Variants in ZC4H2 observed in about 807,000 individuals in gnomAD.
ZC4H2 encodes the protein zinc finger C4H2-type containing, also known as zinc finger C4H2 domain-containing protein.
For synonymous variants in ZC4H2, 84 were observed against 66.3 expected, an observed-to-expected ratio of 1.27 and a Z score of -1.30; for missense variants, 137 against 173.9, an observed-to-expected ratio of 0.79 and a Z score of 1.19.
intron 1 of ZC4H2, among the ~76,000 whole-genome samples, chrX:64,934,745 A>G (rs1456033716): frequency 9.0e-6 from 1 of 111,498 alleles, no homozygotes; most frequent in African/African-American, 3.3e-5. Flanking sequence ...GGGGTCGGGG[A>G]ACTCCATCTC....
Position 64,916,884 on chromosome X carries a change from C to A in ZC4H2, c.*899G>T, listed in dbSNP as rs904617291. The A allele has an allele frequency of 8.9e-6, 1 of 112,166 alleles. No homozygotes were observed. Among genetic ancestry groups the A allele is most frequent in the African/African-American group, 3.3e-5 (1 of 30,767 alleles). The allele number at this position is 112,166 out of a possible 1,213,427, so 9.2% of individuals were successfully genotyped here. A position where few individuals can be genotyped will look rare whatever the true frequency, so the allele number is the denominator to read the frequency against. On this transcript the variant is annotated 3_prime_UTR_variant, in exon 5 of 5. Transcript: ENST00000374839. ...GATTGGCATTTACTCAAATCTAAATCTACTCCTCTCCTCCCTGCAATATAC... is the reference window on the plus strand; with the variant it reads ...GATTGGCATTTACTCAAATCTAAATATACTCCTCTCCTCCCTGCAATATAC...
intron 1 of ZC4H2, among the ~76,000 whole-genome samples, chrX:65,012,212 A>AGTG (rs1932760578): frequency 1.1e-5 from 1 of 90,071 alleles, no homozygotes; most frequent in Non-Finnish European, 2.1e-5. Flanking sequence ...TGGGTGACAG[A>AGTG]AGACCCCGTC....
chrX:64,998,306 A>C (rs1178053232), intron 1 of ZC4H2, among the ~76,000 whole-genome samples: 2 of 112,220 alleles, frequency 1.8e-5, no homozygotes, highest in Non-Finnish European at 3.8e-5. Context: ...CCATACTGAA[A>C]ATGAAAAGAT....
chrX:65,010,865 A>G (rs1420123359), intron 1 of ZC4H2, among the ~76,000 whole-genome samples: 1 of 112,319 alleles, frequency 8.9e-6, no homozygotes, highest in African/African-American at 3.2e-5. Context: ...ATATAAATAC[A>G]GAATTTATTT....
chrX:64,993,786 A>G (rs1422796557), intron 1 of ZC4H2, among the ~76,000 whole-genome samples: 2 of 112,126 alleles, frequency 1.8e-5, no homozygotes, highest in Admixed American at 1.9e-4. Flanking sequence ...TCTTTATTTC[A>G]GAATAATAAG....
At chrX:65,020,933 G>A (rs1257797899) in intron 1 of ZC4H2, among the ~76,000 whole-genome samples, 1 of 111,129 alleles carries the variant, frequency 9.0e-6, no homozygotes, top group Non-Finnish European at 1.9e-5. Context: ...AGAAAAGAAA[G>A]GCATTACATA....
intron 1 of ZC4H2, among the ~76,000 whole-genome samples, chrX:64,975,250 T>C (rs1420436887): frequency 9.1e-6 from 1 of 110,489 alleles, no homozygotes; most frequent in Non-Finnish European, 1.9e-5. Context: ...CAATAAATGA[T>C]AGTTCCCTTC....
chrX:64,928,827 TTCCTCCTCCTCCTTC>T (rs1228544810), intron 1 of ZC4H2, among the ~76,000 whole-genome samples: 199 of 101,474 alleles, frequency 2.0e-3, no homozygotes, highest in African/African-American at 6.5e-3. Flanking sequence ...TCTTCTTCTC[TTCCTCCTCCTCCTTC>T]TCCTCCTCCT....
intron 1 of ZC4H2, among the ~76,000 whole-genome samples, chrX:65,005,169 T>C (rs1932630524): frequency 8.9e-6 from 1 of 112,038 alleles, no homozygotes; most frequent in African/African-American, 3.3e-5. Context: ...AAGTTATTTA[T>C]AGATTCAATG....
intron 1 of ZC4H2, among the ~76,000 whole-genome samples, chrX:64,999,656 C>T (rs1932495623): frequency 8.9e-6 from 1 of 112,363 alleles, no homozygotes; most frequent in African/African-American, 3.2e-5. Context: ...CAGCAGATCC[C>T]ACTCCCATGG....
At position 64,948,505 on chromosome X, in the gene ZC4H2, A is replaced by G. The variant is rs891495072; in HGVS notation, c.54-26517T>C. Among the ~76,000 whole-genome samples the G allele has an allele frequency of 3.6e-5, 4 of 111,883 alleles. No homozygotes were observed. The Admixed American group carries it at 3.8e-4, about 11-fold the overall frequency. On this transcript the variant is annotated intron_variant, in intron 1 of 4. Transcript: ENST00000374839. Reference sequence around the variant, plus strand: ...AGCAAAGCCAATATTTTAGGTACAAATTTAATTTTTAATTTCTGAAGAACT... The same window carrying G: ...AGCAAAGCCAATATTTTAGGTACAAGTTTAATTTTTAATTTCTGAAGAACT...
intron 1 of ZC4H2, among the ~76,000 whole-genome samples, chrX:65,010,498 A>G (rs746949565): frequency 8.9e-6 from 1 of 112,030 alleles, no homozygotes; most frequent in South Asian, 3.7e-4. Flanking sequence ...TTAAATTCCC[A>G]TAAGGAATAT....
chrX:64,967,790 T>C (rs974317560), intron 1 of ZC4H2, among the ~76,000 whole-genome samples: 2 of 112,258 alleles, frequency 1.8e-5, no homozygotes, highest in African/African-American at 6.5e-5. Context: ...AAAGTACAGA[T>C]TTATGCATGA....
chrX:64,937,594 CAG>C (rs997298160), intron 1 of ZC4H2, among the ~76,000 whole-genome samples: 12 of 111,941 alleles, frequency 1.1e-4, no homozygotes, highest in African/African-American at 3.9e-4. Flanking sequence ...TCTCAGACCA[CAG>C]TGCAATTAAA....
At chrX:64,965,579 C>T (rs1001670315) in intron 1 of ZC4H2, 30 of 267,849 alleles carry the variant, frequency 1.1e-4, no homozygotes, top group Non-Finnish European at 2.0e-4. Context: ...AACATTTCTC[C>T]TAAATGGCAC....
At chrX:64,952,575 CAA>C (rs1930908825) in intron 1 of ZC4H2, among the ~76,000 whole-genome samples, 1 of 110,975 alleles carries the variant, frequency 9.0e-6, no homozygotes, top group East Asian at 2.8e-4. Flanking sequence ...ACAGTTGCTT[CAA>C]AGAGAATAAA....
intron 1 of ZC4H2, among the ~76,000 whole-genome samples, chrX:65,032,845 C>T (rs889017171): frequency 3.7e-5 from 4 of 108,486 alleles, no homozygotes; most frequent in Non-Finnish European, 7.6e-5. Flanking sequence ...GGTGCCATCT[C>T]GGCTCACTGC....
intron 1 of ZC4H2, among the ~76,000 whole-genome samples, chrX:65,017,410 T>C (rs1932804594): frequency 8.9e-6 from 1 of 112,630 alleles, no homozygotes; most frequent in Non-Finnish European, 1.9e-5. Context: ...GTCCAAATAA[T>C]GCAACATCAG....
chrX:64,930,061 G>C (rs1479681166), intron 1 of ZC4H2, among the ~76,000 whole-genome samples: 1 of 111,014 alleles, frequency 9.0e-6, no homozygotes, highest in African/African-American at 3.3e-5. Flanking sequence ...GTGTTTTGTA[G>C]TTTTCCTTGC....
Sources: allele counts gnomAD v4.1 joint callset (sites outside exome capture counted in the v4.1 genomes callset), GRCh38; gene constraint gnomAD v4.1.1; transcripts MANE v1.5; gene names NCBI Gene and HGNC (gene_info 2026-07-23, HGNC 2026-07-21).